SF3B3: variants seen among roughly 807,000 people sequenced by gnomAD.
SF3B3 encodes the protein SAP 130.
In SF3B3, 33 loss-of-function variants were observed where a neutral mutation model predicts 139.2. That is an observed-to-expected ratio of 0.24 (90% CI 0.18 to 0.32). The LOEUF is 0.32. SF3B3 is among the 10% of genes least tolerant of loss of function. The probability of loss-of-function intolerance (pLI) is 1.00; values close to 1 mark genes in which losing one functional copy is unlikely to be tolerated. For synonymous variants in SF3B3, 596 were observed against 563.6 expected, an observed-to-expected ratio of 1.06 and a Z score of -0.81; for missense variants, 818 against 1,509.4, an observed-to-expected ratio of 0.54 and a Z score of 7.59.
intron 8 of SF3B3, among the ~76,000 whole-genome samples, chr16:70,540,672 A>G (rs1223323819): frequency 6.6e-6 from 1 of 151,958 alleles, no homozygotes; most frequent in Non-Finnish European, 1.5e-5. Flanking sequence ...CGCCTGGCTG[A>G]TATTTGTCCC....
At position 70,540,613 on chromosome 16, in the gene SF3B3, C is replaced by T. The variant is rs79604120; in HGVS notation, c.1068-1056C>T. Reference sequence around the variant, plus strand: ...CTGGACTTAAGCAATCCAAGCAATCCACCTGCCTCAGTCTCCCAATGTGCT... The same window carrying T: ...CTGGACTTAAGCAATCCAAGCAATCTACCTGCCTCAGTCTCCCAATGTGCT... On this transcript the variant is annotated intron_variant, in intron 8 of 25. Transcript: ENST00000302516. 5.3e-4 allele frequency among the ~76,000 whole-genome samples: 81 copies of T among 152,154 alleles called. No homozygotes were observed. In the East Asian group the frequency reaches 0.012, roughly 22 times the overall value.
intron 1 of SF3B3, among the ~76,000 whole-genome samples, chr16:70,526,310 C>T (rs931257069): frequency 3.9e-5 from 6 of 151,956 alleles, no homozygotes; most frequent in African/African-American, 1.2e-4. Flanking sequence ...CAGGTTCAAG[C>T]GATTCTCCTG....
In SF3B3 at chr16:70,575,166, CTTTT is replaced by C. The variant is rs941602194; in HGVS notation, c.*3358_*3361del. On this transcript the variant is annotated 3_prime_UTR_variant, in exon 26 of 26. Transcript: ENST00000302516. The stretch of plus-strand genomic sequence containing the variant: ...ACCAGCACAACCAAGAGTTGTTTCT[CTTTT>C]TTTTCTTTTTCTTTTTCTTTTTTTT... 1.5e-5 allele frequency: 2 copies of C among 130,716 alleles called. No homozygotes were observed. Among genetic ancestry groups the C allele is most frequent in the Non-Finnish European group, 3.4e-5 (2 of 58,882 alleles). The allele number at this position is 130,716 out of a possible 1,614,324, so 8.1% of individuals were successfully genotyped here.
chr16:70,567,643 G>T, intron 21 of SF3B3, 107 bp downstream of exon 21: 1 of 1,315,112 alleles, frequency 7.6e-7, no homozygotes, highest in Admixed American at 2.6e-5. Context: ...ATTAGGACTT[G>T]TTGTGTTACC....
At position 70,563,894 on chromosome 16, in the gene SF3B3, G is replaced by A; in HGVS notation, c.2307G>A (p.Lys769=). ...TNTLRILALE[K]LGAVFNQVAF... is the part of the protein sequence containing the mutation. ...GTCATAGGATTTTGGCATTAGAGAA[G>A]CTCGGTGCTGTCTTCAATCAAGTAG... is the stretch of plus-strand genomic sequence containing the variant. Residue 769 remains lysine (K), a synonymous_variant, in exon 18 of 26, where the codon AAG becomes AAA. Coordinates refer to ENST00000302516, the MANE Select transcript of SF3B3 (RefSeq NM_012426.5). The A allele has an allele frequency of 6.2e-7, 1 of 1,614,002 alleles. No individual in the cohort carries two copies. Among genetic ancestry groups the A allele is most frequent in the Non-Finnish European group, 8.5e-7 (1 of 1,179,986 alleles).
rs937071341 is a variant in SF3B3 at position 70,532,473 on chromosome 16, C to G, written c.571-6C>G. 1 of 1,613,366 alleles carries G rather than the reference C, an allele frequency of 6.2e-7. No homozygotes were observed. On this transcript the variant is annotated splice_region_variant and splice_polypyrimidine_tract_variant and intron_variant, in intron 4 of 25. Coordinates refer to ENST00000302516, the MANE Select transcript of SF3B3 (RefSeq NM_012426.5). ...TGATTAGTTTTTATGCCACTATTCT[C>G]TGTAGGAAGCAGACAATGATCCAAC...
At chr16:70,571,540 G>T (rs961247054) in intron 25 of SF3B3, 133 bp from the exon 26 acceptor site, 1 of 957,196 alleles carries the variant, frequency 1.0e-6, no homozygotes, top group Non-Finnish European at 1.5e-6. Flanking sequence ...ACTGCAACCC[G>T]GATGATAGGG....
At chr16:70,555,772 A>G (rs562591180) in intron 13 of SF3B3, among the ~76,000 whole-genome samples, 8 of 152,192 alleles carry the variant, frequency 5.3e-5, no homozygotes, top group African/African-American at 1.4e-4. Flanking sequence ...AGTGTGGCCA[A>G]ATTTGTAGCC....
At position 70,556,283 on chromosome 16, in the gene SF3B3, G is replaced by C; in HGVS notation, c.1815G>C (p.Leu605=). ...CTGGAGAGCAGCGGTCTCGCTTCCT[G>C]GCTGTGGGGCTTGTGGACAACACTG... ...VPPGEQRSRF[L]AVGLVDNTVR... is the part of the protein sequence containing the mutation. Residue 605 remains leucine, a synonymous_variant, in exon 14 of 26, where the codon CTG becomes CTC. Transcript: ENST00000302516. The C allele has an allele frequency of 6.2e-7, 1 of 1,614,184 alleles. No individual in the cohort carries two copies. Among genetic ancestry groups the C allele is most frequent in the Non-Finnish European group, 8.5e-7 (1 of 1,180,034 alleles).
chr16:70,531,336 C>T (rs2050119628), intron 4 of SF3B3, among the ~76,000 whole-genome samples: 1 of 152,082 alleles, frequency 6.6e-6, no homozygotes, highest in African/African-American at 2.4e-5. Context: ...GACAGTCTTG[C>T]TCTGTTGCCC....
In SF3B3 at chr16:70,565,430, A is replaced by G. The variant is rs1444204924; in HGVS notation, c.2732A>G (p.Lys911Arg). The G allele has an allele frequency of 1.4e-5, 23 of 1,614,062 alleles. No individual in the cohort carries two copies. The highest frequency in any genetic ancestry group is 1.9e-5 in the Non-Finnish European group (22 of 1,180,028). ...EDWYVLVGVAKDLILNPRSVA... is the reference protein window; with the variant it reads ...EDWYVLVGVARDLILNPRSVA... ...TGGTATGTGCTGGTGGGTGTGGCCAAGGACCTGATACTAAACCCCCGATCT... is the reference window on the plus strand; with the variant it reads ...TGGTATGTGCTGGTGGGTGTGGCCAGGGACCTGATACTAAACCCCCGATCT... The change falls in exon 20 of 26, where the codon AAG becomes AGG. Residue 911 changes from lysine to arginine, a missense_variant. Lys to Arg is a conservative substitution (Grantham distance 26). Coordinates refer to ENST00000302516, the MANE Select transcript of SF3B3 (RefSeq NM_012426.5).
At chr16:70,554,667 G>A (rs952251482) in intron 12 of SF3B3, 70 bp downstream of exon 12, 4 of 1,500,878 alleles carry the variant, frequency 2.7e-6, no homozygotes, top group Non-Finnish European at 3.7e-6. Context: ...GATGCAGGCT[G>A]CTGTGTTCAT....
chr16:70,573,420 C>T lies in SF3B3; in HGVS notation c.*1607C>T, dbSNP rs959497261. On this transcript the variant is annotated 3_prime_UTR_variant, in exon 26 of 26. Transcript: ENST00000302516. ...AAGTTTGACTAAAATACATACACTC[C>T]GTACAGAAGGTAGGGGGTTATGTAA... The T allele has an allele frequency of 2.0e-5, 3 of 152,138 alleles. No homozygotes were observed. The highest frequency in any genetic ancestry group is 4.8e-5 in the African/African-American group (2 of 41,426). The allele number at this position is 152,138 out of a possible 1,614,324, so 9.4% of individuals were successfully genotyped here. A position where few individuals can be genotyped will look rare whatever the true frequency, so the allele number is the denominator to read the frequency against.
chr16:70,571,314 G>C, intron 25 of SF3B3, 115 bp downstream of exon 25: 1 of 731,988 alleles, frequency 1.4e-6, no homozygotes, highest in Non-Finnish European at 2.3e-6. Flanking sequence ...ACCACAGCCA[G>C]AGCAAAGGCT....
At chr16:70,556,136 A>T (rs2050377931) in intron 13 of SF3B3, 43 bp from the exon 14 acceptor site, 1 of 1,609,362 alleles carries the variant, frequency 6.2e-7, no homozygotes, top group South Asian at 1.1e-5. Context: ...ATCTAGACCC[A>T]TCCCTCTGTA....
chr16:70,562,949 C>T (rs534692171), intron 17 of SF3B3, among the ~76,000 whole-genome samples: 2 of 152,234 alleles, frequency 1.3e-5, no homozygotes, highest in South Asian at 4.1e-4. Flanking sequence ...GCCTCAACCT[C>T]CCAAGTACCT....
chr16:70,565,372 G>T lies in SF3B3; in HGVS notation c.2674G>T (p.Ala892Ser). The part of the protein sequence containing the change: ...LEQNEAAFSV[A>S]VCRFSNTGED... ...TGCTTCTTATTCTGTGTGTAGTGTG[G>T]CTGTGTGCAGGTTTTCCAACACTGG... Residue 892 changes from alanine to serine, a missense_variant, in exon 20 of 26, where the codon GCT (alanine) becomes TCT (serine). Around this residue, in one of 14 missense-constraint regions of SF3B3, gnomAD observed 145 missense variants for 153.6 expected, o/e 0.94. Transcript: ENST00000302516. 1 of 1,614,180 alleles carries T rather than the reference G, an allele frequency of 6.2e-7. No individual in the cohort carries two copies. Among genetic ancestry groups the T allele is most frequent in the Non-Finnish European group, 8.5e-7 (1 of 1,180,030 alleles).
At chr16:70,538,114 A>T (rs772048984) in intron 6 of SF3B3, 2 of 713,656 alleles carry the variant, frequency 2.8e-6, no homozygotes, top group East Asian at 2.7e-5. Context: ...TGGAATTGGG[A>T]CTCTTTTGGT....
chr16:70,546,985 G>A lies in SF3B3; in HGVS notation c.1330-1385G>A, dbSNP rs557781162. Among the ~76,000 whole-genome samples the A allele has an allele frequency of 4.6e-4, 70 of 150,994 alleles. 1 individual carries two copies. Among genetic ancestry groups the A allele is most frequent in the East Asian group, 3.3e-3 (17 of 5,154 alleles). On this transcript the variant is annotated intron_variant, in intron 10 of 25. Coordinates refer to ENST00000302516, the MANE Select transcript of SF3B3 (RefSeq NM_012426.5). ...GGAGCTTGCAGTGAGCCAAGATCGC[G>A]CCATTGCACTCGAGCCTGGGCGACA...
Sources: allele counts gnomAD v4.1 joint callset (sites outside exome capture counted in the v4.1 genomes callset), GRCh38; gene constraint gnomAD v4.1.1; regional missense constraint gnomAD v4.1.1; transcripts MANE v1.5; gene names NCBI Gene and HGNC (gene_info 2026-07-23, HGNC 2026-07-21).